COA1: variants seen among roughly 807,000 people sequenced by gnomAD.
COA1 encodes cytochrome c oxidase assembly factor 1.
In COA1, 13 loss-of-function variants were observed where a neutral mutation model predicts 16.0. The observed-to-expected ratio is 0.81, with a 90% CI of 0.53 to 1.29. The LOEUF (loss-of-function observed/expected upper bound fraction) is 1.29, where lower values mean the gene tolerates loss of function less well. Among genes scored for constraint, COA1 ranks in the 50% most tolerant of loss-of-function variants. The pLI, the probability that COA1 is intolerant of heterozygous loss-of-function variation, is 0.00. For synonymous variants in COA1, 65 were observed against 65.7 expected, an observed-to-expected ratio of 0.99 and a Z score of 0.05; for missense variants, 179 against 177.0, an observed-to-expected ratio of 1.01 and a Z score of -0.06.
Position 43,644,789 on chromosome 7 carries a change from G to GAGAGACA in COA1, c.264+461_264+462insTGTCTCT, listed in dbSNP as rs1442537142. 9.3e-3 allele frequency among the ~76,000 whole-genome samples: 969 copies of GAGAGACA among 104,218 alleles called. 14 individuals carry two copies. Among genetic ancestry groups the GAGAGACA allele is most frequent in the Admixed American group, 0.026 (238 of 9,218 alleles). The allele number at this position is 104,218 out of a possible 152,430, so 68.4% of individuals were successfully genotyped here. ...AGGCAGGCAGGCAGGCAGGCAGGCA[G>GAGAGACA]GCAGAGAGACAGAGAGAGAGAGAGA... On this transcript the variant is annotated intron_variant, in intron 4 of 5. Coordinates refer to ENST00000223336, the MANE Select transcript of COA1 (RefSeq NM_018224.4).
chr7:43,698,489 A>G (rs2094598106), intron 1 of COA1, among the ~76,000 whole-genome samples: 1 of 152,232 alleles, frequency 6.6e-6, no homozygotes, highest in African/African-American at 2.4e-5. Context: ...AATTCAACAC[A>G]GATATTGAAA....
chr7:43,717,960 C>A (rs2095428829), intron 1 of COA1, among the ~76,000 whole-genome samples: 2 of 152,200 alleles, frequency 1.3e-5, no homozygotes, highest in South Asian at 4.1e-4. Context: ...TTGCCTTCCA[C>A]CATGACTGTG....
At chr7:43,720,171 C>T (rs920788547) in intron 1 of COA1, among the ~76,000 whole-genome samples, 1 of 151,506 alleles carries the variant, frequency 6.6e-6, no homozygotes, top group Non-Finnish European at 1.5e-5. Flanking sequence ...CCCAGCTACT[C>T]GGGAGGCTGA....
chr7:43,700,608 G>C (rs1231780749), intron 1 of COA1, among the ~76,000 whole-genome samples: 1 of 151,264 alleles, frequency 6.6e-6, no homozygotes, highest in Non-Finnish European at 1.5e-5. Context: ...GTGTGTGTGT[G>C]TGTGTGTGTG....
intron 3 of COA1, chr7:43,646,593 A>G (rs1216891633): frequency 2.2e-6 from 1 of 456,736 alleles, no homozygotes; most frequent in East Asian, 6.9e-5. Context: ...TAAGGGAGAA[A>G]GGCTGTCACA....
In COA1 at chr7:43,673,314, C is replaced by T. The variant is rs148818197; in HGVS notation, c.-38-24662G>A. On this transcript the variant is annotated intron_variant, in intron 1 of 5. Coordinates refer to ENST00000223336, the MANE Select transcript of COA1 (RefSeq NM_018224.4). ...AGCAACTTAAATCAATAAACAACCC[C>T]ATTAAAAAGTGGGCAAAGGACATGA... Among the ~76,000 whole-genome samples, 69 of 152,124 alleles carry T rather than the reference C, an allele frequency of 4.5e-4. 1 individual carries two copies. In the East Asian group the frequency reaches 0.013, roughly 29 times the overall value.
At chr7:43,710,375 A>AAAAAAAT (rs761592421) in intron 1 of COA1, among the ~76,000 whole-genome samples, 20 of 36,430 alleles carry the variant, frequency 5.5e-4, no homozygotes, top group Non-Finnish European at 7.5e-4. Flanking sequence ...AAAAAAAAAA[A>AAAAAAAT]ATATATATAT....
intron 1 of COA1, among the ~76,000 whole-genome samples, chr7:43,722,368 T>G (rs970653938): frequency 6.6e-6 from 1 of 152,100 alleles, no homozygotes; most frequent in African/African-American, 2.4e-5. Context: ...GTGCTGGGAT[T>G]ACAGGCATGA....
Position 43,640,594 on chromosome 7 carries a change from G to A in COA1, c.320C>T (p.Ser107Phe). Residue 107 changes from serine to phenylalanine, a missense_variant, in exon 5 of 6, where the codon TCC (serine) becomes TTC (phenylalanine). By Grantham distance (155) the Ser-to-Phe change is radical. Transcript: ENST00000223336. ...ATACCTCTGAAAGGGGCCACCTCTG[G>A]ATGAGTGGACGTAGAGAAGGCCCTC... Reference protein sequence around the residue: ...KSEGLLYVHSSRGGPFQRWHL... With the variant: ...KSEGLLYVHSFRGGPFQRWHL... The A allele has an allele frequency of 6.2e-7, 1 of 1,608,870 alleles. No individual in the cohort carries two copies. Among genetic ancestry groups the A allele is most frequent in the African/African-American group, 1.3e-5 (1 of 74,762 alleles).
At chr7:43,643,755 A>G (rs59808072) in intron 4 of COA1, among the ~76,000 whole-genome samples, 125,802 of 152,152 alleles carry the variant, frequency 0.83, 52,446 homozygotes, top group African/African-American at 0.94. Flanking sequence ...TCTCCTAAAG[A>G]TGGCTCCCCG....
At chr7:43,609,331 G>A (rs1354557094) in exon 7 of COA1, 1 of 152,260 alleles carries the variant, frequency 6.6e-6, no homozygotes, top group East Asian at 1.9e-4. Flanking sequence ...AGATCAATTT[G>A]GAACCAGTAA....
chr7:43,643,231 C>T (rs1187847830), intron 4 of COA1, among the ~76,000 whole-genome samples: 1 of 152,200 alleles, frequency 6.6e-6, no homozygotes, highest in South Asian at 2.1e-4. Flanking sequence ...CATGGCCTTA[C>T]CCTACTCTCA....
chr7:43,691,341 G>GAA (rs2094315773), intron 1 of COA1, among the ~76,000 whole-genome samples: 3 of 12,918 alleles, frequency 2.3e-4, no homozygotes, highest in Non-Finnish European at 3.3e-4. Flanking sequence ...GAAAGAGAGA[G>GAA]AGGGAGGGAG....
intron 1 of COA1, among the ~76,000 whole-genome samples, chr7:43,715,649 T>C (rs140857245): frequency 6.6e-6 from 1 of 152,350 alleles, no homozygotes; most frequent in Non-Finnish European, 1.5e-5. Flanking sequence ...ACTATATCTT[T>C]TTCTCTTGTA....
chr7:43,716,808 C>A (rs1274878803), intron 1 of COA1, among the ~76,000 whole-genome samples: 1 of 152,136 alleles, frequency 6.6e-6, no homozygotes, highest in Non-Finnish European at 1.5e-5. Context: ...TGGTCCAGGC[C>A]CAAGGTCCCC....
intron 6 of COA1, among the ~76,000 whole-genome samples, chr7:43,617,295 A>G (rs1052774273): frequency 1.3e-4 from 20 of 152,258 alleles, no homozygotes. Flanking sequence ...TCCAATTTAT[A>G]TAATACAAAA....
intron 1 of COA1, among the ~76,000 whole-genome samples, chr7:43,659,789 T>C (rs1202294477): frequency 6.6e-6 from 1 of 152,060 alleles, no homozygotes; most frequent in Non-Finnish European, 1.5e-5. Flanking sequence ...CATTCTATAT[T>C]AGGGGCTGAA....
intron 1 of COA1, among the ~76,000 whole-genome samples, chr7:43,725,723 G>A (rs1377268357): frequency 6.6e-6 from 1 of 151,922 alleles, no homozygotes; most frequent in African/African-American, 2.4e-5. Flanking sequence ...GCTGGGCATG[G>A]TGGCAGTCAC....
At chr7:43,720,249 G>A (rs2132100950) in intron 1 of COA1, among the ~76,000 whole-genome samples, 1 of 151,892 alleles carries the variant, frequency 6.6e-6, no homozygotes, top group Middle Eastern at 3.4e-3. Context: ...CTGCACTCCA[G>A]CCTGGGCAAC....
Sources: allele counts gnomAD v4.1 joint callset (sites outside exome capture counted in the v4.1 genomes callset), GRCh38; gene constraint gnomAD v4.1.1; transcripts MANE v1.5; gene names NCBI Gene and HGNC (gene_info 2026-07-23, HGNC 2026-07-21).